The following HDLBP variants were observed in gnomAD, a reference collection of about 807,000 sequenced individuals.
HDLBP encodes the protein high density lipoprotein binding protein.
In HDLBP, 30 loss-of-function variants were observed where a neutral mutation model predicts 137.3. The observed-to-expected ratio is 0.22, with a 90% CI of 0.16 to 0.30. HDLBP has a LOEUF of 0.30. Among genes scored for constraint, HDLBP ranks in the 10% least tolerant of loss-of-function variants. HDLBP has a pLI of 1.00. For synonymous variants in HDLBP, 606 were observed against 596.0 expected (o/e 1.02, Z -0.24); for missense variants, 1,119 against 1,667.3 (o/e 0.67, Z 5.73).
At chr2:241,308,188 A>G (rs145456845) in intron 1 of HDLBP, among the ~76,000 whole-genome samples, 1 of 152,346 alleles carries the variant, frequency 6.6e-6, no homozygotes, top group African/African-American at 2.4e-5. Flanking sequence ...GTGAGACAGC[A>G]ATCTTGTTGA....
intron 1 of HDLBP, among the ~76,000 whole-genome samples, chr2:241,308,858 G>C (rs1176267785): frequency 1.7e-4 from 26 of 152,118 alleles, no homozygotes; most frequent in Admixed American, 1.6e-3. Flanking sequence ...CACCAGTACT[G>C]GGTCACTCTG....
Position 241,240,298 on chromosome 2 carries a change from G to A in HDLBP, c.2170-176C>T. On this transcript the variant is annotated intron_variant, in intron 17 of 27. Coordinates refer to ENST00000310931, the MANE Select transcript of HDLBP (RefSeq NM_005336.6). This position sits in a 1 kb window ranked among gnomAD's most constrained non-coding sequence, Gnocchi z 5.5. ...AGCACACCTCACTGAATAAACAGAT[G>A]AATACCCAGACTGCACACCTACTTC... The A allele has an allele frequency of 1.5e-6, 1 of 651,674 alleles. No homozygotes were observed. Among genetic ancestry groups the A allele is most frequent in the Non-Finnish European group, 2.8e-6 (1 of 359,002 alleles). The allele number at this position is 651,674 out of a possible 1,614,324, so 40.4% of individuals were successfully genotyped here. A position where few individuals can be genotyped will look rare whatever the true frequency, so the allele number is the denominator to read the frequency against.
In HDLBP at chr2:241,256,265, G is replaced by GT. The variant is rs2072604630; in HGVS notation, c.791dup (p.Asn264LysfsTer26). 6.2e-7 allele frequency: 1 copy of GT among 1,614,008 alleles called. No individual in the cohort carries two copies. Among genetic ancestry groups the GT allele is most frequent in the Non-Finnish European group, 8.5e-7 (1 of 1,180,028 alleles). ...CTCCAGTGAAGACAATCTCTGTCCG[G>GT]TTCACGCTGGGTGGGGGGATGTTGA... On this transcript the variant is annotated frameshift_variant, in exon 7 of 28. Transcript: ENST00000310931. LOFTEE classifies it high-confidence loss of function.
chr2:241,267,777 TG>T, intron 2 of HDLBP: 3 of 1,504,028 alleles, frequency 2.0e-6, no homozygotes, highest in East Asian at 5.0e-5. Context: ...TTGCGCTAAA[TG>T]CCCTTGATCC....
At chr2:241,266,964 T>G in intron 2 of HDLBP, 58 bp from the exon 3 acceptor site, 1 of 1,263,370 alleles carries the variant, frequency 7.9e-7, no homozygotes, top group Non-Finnish European at 1.2e-6. Flanking sequence ...ATCTATGAGA[T>G]TGTTAACCTA....
chr2:241,237,628 C>T (rs997129629), intron 20 of HDLBP, among the ~76,000 whole-genome samples: 1 of 151,964 alleles, frequency 6.6e-6, no homozygotes. Flanking sequence ...AATCCGATTC[C>T]GATAAATGTG....
chr2:241,270,916 T>A, intron 1 of HDLBP: 5 of 921,650 alleles, frequency 5.4e-6, no homozygotes, highest in Non-Finnish European at 6.5e-6. Flanking sequence ...CTAACAGTAC[T>A]GTCCAAATCA....
intron 24 of HDLBP, among the ~76,000 whole-genome samples, chr2:241,232,854 A>G (rs1553634904): frequency 7.1e-6 from 1 of 141,732 alleles, no homozygotes; most frequent in Non-Finnish European, 1.6e-5. Context: ...AAGACTAAAA[A>G]TTAAAAAATG....
chr2:241,313,489 A>G, intron 1 of HDLBP, among the ~76,000 whole-genome samples: 1 of 152,182 alleles, frequency 6.6e-6, no homozygotes, highest in East Asian at 1.9e-4. Context: ...CATGTTGGTC[A>G]GGCTGGTCTC....
chr2:241,275,662 G>C (rs185426288), intron 1 of HDLBP, among the ~76,000 whole-genome samples: 1 of 152,182 alleles, frequency 6.6e-6, no homozygotes, highest in East Asian at 1.9e-4. Context: ...GAGCACCAAA[G>C]ACAAGAGCAG....
In HDLBP at chr2:241,249,930, T is replaced by C; in HGVS notation, c.1423A>G (p.Ser475Gly). 1.9e-6 allele frequency: 3 copies of C among 1,613,978 alleles called. No homozygotes were observed. Among genetic ancestry groups the C allele is most frequent in the Non-Finnish European group, 2.5e-6 (3 of 1,179,926 alleles). ...YKVSVRIPPDSEKSNLIRIEG... is the reference protein window; with the variant it reads ...YKVSVRIPPDGEKSNLIRIEG... ...ATGCGGATCAAATTGCTCTTCTCAC[T>C]GTCAGGAGGGATGCGCACGGACACC... The change falls in exon 12 of 28, where the codon AGT (serine) becomes GGT (glycine). Residue 475 changes from serine (S) to glycine (G), a missense_variant. Transcript: ENST00000310931.
chr2:241,253,600 T>A, intron 9 of HDLBP, 103 bp from the exon 10 acceptor site: 1 of 755,818 alleles, frequency 1.3e-6, no homozygotes, highest in Non-Finnish European at 2.4e-6. Context: ...GATCCCAAAC[T>A]GCTTCACATA....
At chr2:241,234,049 A>G in intron 23 of HDLBP, 86 bp from the exon 24 acceptor site, 1 of 1,473,002 alleles carries the variant, frequency 6.8e-7, no homozygotes, top group Non-Finnish European at 9.4e-7. Context: ...GTCATAGGAC[A>G]CTGGAGATGC....
At position 241,272,582 on chromosome 2, in the gene HDLBP, AAGC is replaced by A; in HGVS notation, c.-102-4044_-102-4042del. ...CTGGCCCGGAACCGCCACGCGCGGT[AAGC>A]AGGACACCCGCGGGCGGGGGCCGCA... On this transcript the variant is annotated intron_variant, in intron 1 of 27. Coordinates refer to ENST00000310931, the MANE Select transcript of HDLBP (RefSeq NM_005336.6). The surrounding 1 kb of genome is among the most constrained non-coding windows in gnomAD (Gnocchi z 5.6). 2.0e-6 allele frequency: 2 copies of A among 983,732 alleles called. No individual in the cohort carries two copies. Among genetic ancestry groups the A allele is most frequent in the Non-Finnish European group, 2.4e-6 (2 of 829,274 alleles). 60.9% of individuals were successfully genotyped at this position (983,732 alleles called of 1,614,324 possible).
intron 14 of HDLBP, chr2:241,247,511 C>A: frequency 3.4e-6 from 1 of 291,226 alleles, no homozygotes; most frequent in Non-Finnish European, 6.5e-6. Flanking sequence ...AGTCCTTCAC[C>A]ATCGCCTCTC....
intron 3 of HDLBP, among the ~76,000 whole-genome samples, chr2:241,265,295 G>A (rs1028902184): frequency 4.6e-5 from 7 of 152,176 alleles, no homozygotes; most frequent in African/African-American, 1.7e-4. Context: ...GTGCATGCCT[G>A]TAATCCCAGC....
At chr2:241,262,656 G>A (rs887053045) in intron 5 of HDLBP, 55 bp downstream of exon 5, 29 of 1,355,088 alleles carry the variant, frequency 2.1e-5, no homozygotes, top group East Asian at 1.8e-4. Context: ...ATCAGGAGCC[G>A]GGTAATGGAA....
chr2:241,260,230 T>C (rs944645950), intron 5 of HDLBP, among the ~76,000 whole-genome samples: 2 of 152,076 alleles, frequency 1.3e-5, no homozygotes, highest in Non-Finnish European at 1.5e-5. Flanking sequence ...GGTCTCAAAC[T>C]CCTGACCTGA....
chr2:241,270,983 C>A (rs916478440), intron 1 of HDLBP: 3 of 984,914 alleles, frequency 3.0e-6, no homozygotes, highest in Non-Finnish European at 3.6e-6. Flanking sequence ...CCACCAGGGA[C>A]AGGAAATTCA....
Sources: allele counts gnomAD v4.1 joint callset (sites outside exome capture counted in the v4.1 genomes callset), GRCh38; gene constraint gnomAD v4.1.1; non-coding constraint Gnocchi (gnomAD v3.1); transcripts MANE v1.5; gene names NCBI Gene and HGNC (gene_info 2026-07-23, HGNC 2026-07-21).